The following SNX24 variants were observed in gnomAD, a reference collection of about 807,000 sequenced individuals.
SNX24 encodes sorting nexin 24.
Under a neutral mutation model 28.7 loss-of-function variants are expected in SNX24, and 22 were observed. That is an observed-to-expected ratio of 0.77 (90% CI 0.55 to 1.10). The LOEUF (loss-of-function observed/expected upper bound fraction) is 1.10. Ranked by LOEUF, SNX24 falls within the 50% of genes least tolerant of loss-of-function variation. The pLI is 0.00. For missense variants in SNX24, 221 were observed against 201.1 expected, an observed-to-expected ratio of 1.10 and a Z score of -0.60; for synonymous variants, 69 against 71.5, an observed-to-expected ratio of 0.96 and a Z score of 0.18.
chr5:123,001,577 G>T (rs1462537672), intron 5 of SNX24, 140 bp downstream of exon 5: 2 of 668,166 alleles, frequency 3.0e-6, no homozygotes, highest in Non-Finnish European at 5.2e-6. Flanking sequence ...ATTTGATAGG[G>T]AATTACAGGA....
chr5:122,940,286 G>A (rs958210023), intron 2 of SNX24, among the ~76,000 whole-genome samples: 5 of 151,962 alleles, frequency 3.3e-5, no homozygotes, highest in Non-Finnish European at 4.4e-5. Flanking sequence ...GAGCCACCGC[G>A]CCCAGACTAA....
At chr5:122,967,259 C>T (rs1314817610) in intron 3 of SNX24, among the ~76,000 whole-genome samples, 2 of 152,178 alleles carry the variant, frequency 1.3e-5, no homozygotes, top group Non-Finnish European at 2.9e-5. Context: ...TCAGCAGCAG[C>T]ATCTGGTATT....
At chr5:122,920,597 A>G (rs1454702529) in intron 1 of SNX24, among the ~76,000 whole-genome samples, 1 of 152,214 alleles carries the variant, frequency 6.6e-6, no homozygotes, top group African/African-American at 2.4e-5. Context: ...GTTATACGCA[A>G]GTAGAATGCT....
intron 3 of SNX24, among the ~76,000 whole-genome samples, chr5:122,992,995 A>C (rs187849554): frequency 3.0e-4 from 45 of 151,750 alleles, no homozygotes; most frequent in Middle Eastern, 3.4e-3. Flanking sequence ...TCTTAAGCCA[A>C]ATTATATTAT....
intron 3 of SNX24, among the ~76,000 whole-genome samples, chr5:122,976,293 TAAAAA>T (rs5871019): frequency 6.7e-5 from 9 of 134,770 alleles, no homozygotes; most frequent in South Asian, 2.4e-4. Flanking sequence ...ACTCAGTCAT[TAAAAA>T]AAAAAAAAAA....
At chr5:122,931,024 A>G (rs971145897) in intron 1 of SNX24, among the ~76,000 whole-genome samples, 2 of 152,240 alleles carry the variant, frequency 1.3e-5, no homozygotes, top group African/African-American at 4.8e-5. Context: ...TATCTGCAAC[A>G]TTAAGTGAGG....
intron 1 of SNX24, among the ~76,000 whole-genome samples, chr5:122,890,263 G>GT (rs918992775): frequency 1.8e-4 from 28 of 151,580 alleles, no homozygotes; most frequent in African/African-American, 5.6e-4. Flanking sequence ...GTCTATGATG[G>GT]TTTTTTTTCC....
At chr5:122,860,523 G>A (rs1755410992) in intron 1 of SNX24, among the ~76,000 whole-genome samples, 2 of 152,188 alleles carry the variant, frequency 1.3e-5, no homozygotes, top group Admixed American at 1.3e-4. Context: ...GATTAGCCCT[G>A]TAGGAGATGA....
chr5:122,900,479 A>G (rs1352649592), intron 1 of SNX24, among the ~76,000 whole-genome samples: 1 of 152,166 alleles, frequency 6.6e-6, no homozygotes, highest in African/African-American at 2.4e-5. Flanking sequence ...AGAAAACATA[A>G]CTAAGGGCCT....
intron 3 of SNX24, chr5:122,983,082 G>C (rs932087742): frequency 6.6e-6 from 1 of 151,732 alleles, no homozygotes; most frequent in African/African-American, 2.4e-5. Flanking sequence ...TAAGACCACT[G>C]GTGCTATTTT....
chr5:122,930,295 AG>A (rs1431675453), intron 1 of SNX24, among the ~76,000 whole-genome samples: 1 of 152,234 alleles, frequency 6.6e-6, no homozygotes, highest in African/African-American at 2.4e-5. Context: ...TTTTCAAAAA[AG>A]ATGTTTGGGT....
At chr5:122,861,372 C>G (rs1216236100) in intron 1 of SNX24, among the ~76,000 whole-genome samples, 1 of 152,074 alleles carries the variant, frequency 6.6e-6, no homozygotes, top group Admixed American at 6.6e-5. Context: ...CTTGACCCAG[C>G]CCTGCGAAGT....
intron 1 of SNX24, among the ~76,000 whole-genome samples, chr5:122,883,003 G>GA (rs534131740): frequency 1.6e-4 from 25 of 152,220 alleles, no homozygotes; most frequent in Admixed American, 7.9e-4. Flanking sequence ...CAGATCAAGG[G>GA]AAAGAGCCAC....
intron 1 of SNX24, among the ~76,000 whole-genome samples, chr5:122,928,331 A>G (rs1039118057): frequency 6.6e-6 from 1 of 152,192 alleles, no homozygotes; most frequent in African/African-American, 2.4e-5. Context: ...TGTCCACACC[A>G]TAATCCCCAG....
intron 4 of SNX24, 55 bp downstream of exon 4, chr5:123,000,061 A>C (rs559272768): frequency 8.6e-7 from 1 of 1,167,810 alleles, no homozygotes; most frequent in East Asian, 2.3e-5. Flanking sequence ...TTCAATGACC[A>C]ATTGATCTAA....
At chr5:122,955,954 T>C (rs533577645) in intron 3 of SNX24, among the ~76,000 whole-genome samples, 5 of 152,246 alleles carry the variant, frequency 3.3e-5, no homozygotes, top group Non-Finnish European at 7.4e-5. Context: ...GTTTCTTCCA[T>C]GGTGTTTGGC....
At chr5:122,871,053 C>T (rs552893551) in intron 1 of SNX24, among the ~76,000 whole-genome samples, 36 of 152,284 alleles carry the variant, frequency 2.4e-4, no homozygotes, top group Non-Finnish European at 4.1e-4. Context: ...CTAAAGGTCC[C>T]TGGGTGATTG....
At chr5:122,972,856 C>A (rs1485197604) in intron 3 of SNX24, among the ~76,000 whole-genome samples, 1 of 152,176 alleles carries the variant, frequency 6.6e-6, no homozygotes, top group African/African-American at 2.4e-5. Context: ...ATCACGGGCT[C>A]AGTGATAGTC....
At position 122,945,415 on chromosome 5, in the gene SNX24, T is replaced by C. The variant is rs553118337; in HGVS notation, c.145-640T>C. On this transcript the variant is annotated intron_variant, in intron 2 of 6. Transcript: ENST00000261369. Reference sequence around the variant, plus strand: ...GATTATTCTGCCTACCACAGACAGCTCTAATGCAACTTCCAACAGAATTTT... The same window carrying C: ...GATTATTCTGCCTACCACAGACAGCCCTAATGCAACTTCCAACAGAATTTT... Among the ~76,000 whole-genome samples, 11 of 152,328 alleles carry C rather than the reference T, an allele frequency of 7.2e-5. No individual in the cohort carries two copies. The South Asian group carries it at 2.3e-3, about 32-fold the overall frequency.
Sources: gnomAD v4.1 joint callset for allele counts (sites outside exome capture counted in the v4.1 genomes callset) on GRCh38, gnomAD v4.1.1 for gene constraint, MANE v1.5 for transcripts, NCBI Gene and HGNC (gene_info 2026-07-23, HGNC 2026-07-21) for gene names.